The following RNF38 variants were observed in gnomAD, a reference collection of about 807,000 sequenced individuals.
The protein encoded by RNF38 is ring finger protein 38, also known as E3 ubiquitin-protein ligase RNF38.
Under a neutral mutation model 67.2 loss-of-function variants are expected in RNF38, and 15 were observed. The ratio of observed to expected loss-of-function variants is 0.22; its 90% CI spans 0.15 to 0.34. RNF38 has a LOEUF of 0.34. Among genes scored for constraint, RNF38 ranks in the 10% least tolerant of loss-of-function variants. The pLI, the probability that RNF38 is intolerant of heterozygous loss-of-function variation, is 1.00. For synonymous variants in RNF38, 220 were observed against 218.8 expected (o/e 1.01, Z -0.05); for missense variants, 524 against 639.9 (o/e 0.82, Z 1.95).
At position 36,339,169 on chromosome 9, in the gene RNF38, T is replaced by C. The variant is rs1234689780; in HGVS notation, c.*583A>G. 6.5e-6 allele frequency: 1 copy of C among 153,730 alleles called. No homozygotes were observed. The highest frequency in any genetic ancestry group is 1.5e-5 in the Non-Finnish European group (1 of 68,740). The allele number at this position is 153,730 out of a possible 1,614,324, so 9.5% of individuals were successfully genotyped here. On this transcript the variant is annotated 3_prime_UTR_variant, in exon 12 of 12. Coordinates refer to ENST00000259605, the MANE Select transcript of RNF38 (RefSeq NM_022781.5). ...AGGGAAAAAAACCAGTGTACAGTAC[T>C]AGTGCTGTTTAAATAACACACCAGA...
intron 2 of RNF38, among the ~76,000 whole-genome samples, chr9:36,386,260 G>T (rs1456254528): frequency 6.6e-6 from 1 of 152,018 alleles, no homozygotes; most frequent in African/African-American, 2.4e-5. Context: ...CTCCCCTTAT[G>T]ACAATTTTTG....
upstream of RNF38, among the ~76,000 whole-genome samples, chr9:36,405,137 CG>C (rs1838146674): frequency 6.6e-6 from 1 of 152,014 alleles, no homozygotes; most frequent in Non-Finnish European, 1.5e-5. Flanking sequence ...CATGGTGGCA[CG>C]TGGCTGTACT....
chr9:36,485,136 T>G (rs901587919), intron 1 of RNF38, among the ~76,000 whole-genome samples: 6 of 152,174 alleles, frequency 3.9e-5, no homozygotes, highest in African/African-American at 1.2e-4. Flanking sequence ...GCCACTGCAC[T>G]CCAGCCTGGG....
chr9:36,365,611 T>C (rs369880987), intron 4 of RNF38, among the ~76,000 whole-genome samples: 8 of 151,520 alleles, frequency 5.3e-5, no homozygotes, highest in South Asian at 4.2e-4. Context: ...CTCTCAATAA[T>C]GCTTTGGTAT....
chr9:36,453,234 GAC>G (rs1233376250), intron 1 of RNF38, among the ~76,000 whole-genome samples: 3 of 152,036 alleles, frequency 2.0e-5, no homozygotes, highest in Non-Finnish European at 4.4e-5. Context: ...ATTATTTTGA[GAC>G]AGAGTCTTGC....
In RNF38 at chr9:36,337,457, A is replaced by C. The variant is rs1268552032; in HGVS notation, c.*2295T>G. On this transcript the variant is annotated 3_prime_UTR_variant, in exon 12 of 12. Coordinates refer to ENST00000259605, the MANE Select transcript of RNF38 (RefSeq NM_022781.5). ...AGAATTCATAGAGGGAGAGAAGAAA[A>C]AGCTGCTACTCCTAGTCATTAGTAC... is the stretch of plus-strand genomic sequence containing the variant. The C allele has an allele frequency of 6.5e-6, 1 of 152,696 alleles. No individual in the cohort carries two copies. The highest frequency in any genetic ancestry group is 1.5e-5 in the Non-Finnish European group (1 of 68,034). The allele number at this position is 152,696 out of a possible 1,614,324, so 9.5% of individuals were successfully genotyped here. A position where few individuals can be genotyped will look rare whatever the true frequency, so the allele number is the denominator to read the frequency against.
chr9:36,340,107 G>A (rs1832731761), intron 11 of RNF38, among the ~76,000 whole-genome samples: 1 of 152,056 alleles, frequency 6.6e-6, no homozygotes, highest in Admixed American at 6.6e-5. Context: ...AGCCTCCCGA[G>A]CAGCTGAGAT....
chr9:36,353,346 A>T lies in RNF38; in HGVS notation c.910-15T>A. The T allele has an allele frequency of 6.5e-7, 1 of 1,535,124 alleles. No individual in the cohort carries two copies. Among genetic ancestry groups the T allele is most frequent in the Non-Finnish European group, 8.8e-7 (1 of 1,137,778 alleles). On this transcript the variant is annotated splice_polypyrimidine_tract_variant and intron_variant, in intron 6 of 11. Coordinates refer to ENST00000259605, the MANE Select transcript of RNF38 (RefSeq NM_022781.5). The stretch of plus-strand genomic sequence containing the variant: ...CTTTGCAGAGGCTGAGGAGGGGGAA[A>T]AAAAAACACATATATGTATATATAT...
At chr9:36,487,484 T>A in exon 1 of RNF38, 1 of 976,418 alleles carries the variant, frequency 1.0e-6, no homozygotes, top group Middle Eastern at 5.2e-4. Flanking sequence ...AGACGACGAC[T>A]GAGGCTGAAA....
At chr9:36,381,451 A>C (rs1488338086) in intron 2 of RNF38, among the ~76,000 whole-genome samples, 1 of 152,172 alleles carries the variant, frequency 6.6e-6, no homozygotes. Context: ...TTAATGTTAA[A>C]ATAGAAATTA....
chr9:36,399,634 C>G (rs1053502641), intron 1 of RNF38, among the ~76,000 whole-genome samples: 1 of 151,546 alleles, frequency 6.6e-6, no homozygotes, highest in African/African-American at 2.4e-5. Context: ...CAAGTGTGTC[C>G]CAGCTTCCCA....
intron 1 of RNF38, among the ~76,000 whole-genome samples, chr9:36,455,698 G>A (rs975872949): frequency 1.3e-5 from 2 of 151,782 alleles, no homozygotes; most frequent in African/African-American, 4.8e-5. Flanking sequence ...AATCTGGGGG[G>A]CAGAGGTTGC....
chr9:36,446,700 CG>C (rs2134318394), intron 1 of RNF38, among the ~76,000 whole-genome samples: 1 of 147,146 alleles, frequency 6.8e-6, no homozygotes, highest in South Asian at 2.2e-4. Context: ...CCCAGCTACA[CG>C]GGACGCTGAG....
intron 1 of RNF38, among the ~76,000 whole-genome samples, chr9:36,470,797 C>T (rs1839978860): frequency 6.6e-6 from 1 of 152,146 alleles, no homozygotes; most frequent in Non-Finnish European, 1.5e-5. Flanking sequence ...CCCCCATCTC[C>T]ATACAGCATG....
chr9:36,380,794 TAACA>T (rs1836157677), intron 2 of RNF38, among the ~76,000 whole-genome samples: 1 of 152,210 alleles, frequency 6.6e-6, no homozygotes, highest in Non-Finnish European at 1.5e-5. Context: ...TACGCCTGGC[TAACA>T]AACATGCTTT....
In RNF38 at chr9:36,369,748, T is replaced by G; in HGVS notation, c.541A>C (p.Asn181His). ...LHPAAHPPQQNAVMVDIHDQL... is the reference protein window; with the variant it reads ...LHPAAHPPQQHAVMVDIHDQL... ...TCATGTATGTCAACCATGACTGCATTCTGCTGGGGTGGATGAGCAGCAGGA... is the reference window on the plus strand; with the variant it reads ...TCATGTATGTCAACCATGACTGCATGCTGCTGGGGTGGATGAGCAGCAGGA... Residue 181 changes from asparagine to histidine, a missense_variant, in exon 4 of 12, where the codon AAT (asparagine) becomes CAT (histidine). By Grantham distance (68) the Asn-to-His change is moderately conservative. This residue lies in a region of RNF38 where 461 missense variants were observed against 517.4 expected (regional missense o/e 0.89). Transcript: ENST00000259605. 6.2e-7 allele frequency: 1 copy of G among 1,613,788 alleles called. No homozygotes were observed. The highest frequency in any genetic ancestry group is 8.5e-7 in the Non-Finnish European group (1 of 1,179,882).
At chr9:36,390,152 C>G (rs1225539601) in intron 2 of RNF38, among the ~76,000 whole-genome samples, 1 of 152,164 alleles carries the variant, frequency 6.6e-6, no homozygotes, top group Admixed American at 6.5e-5. Flanking sequence ...TCCTACACAA[C>G]TTCATATATT....
At chr9:36,340,104 C>T (rs771975858) in intron 11 of RNF38, among the ~76,000 whole-genome samples, 1 of 152,084 alleles carries the variant, frequency 6.6e-6, no homozygotes, top group Admixed American at 6.5e-5. Context: ...CTCAGCCTCC[C>T]GAGCAGCTGA....
intron 6 of RNF38, 48 bp from the exon 7 acceptor site, chr9:36,353,379 T>A: frequency 7.9e-7 from 1 of 1,265,938 alleles, no homozygotes; most frequent in Non-Finnish European, 1.1e-6. Flanking sequence ...TATATATACT[T>A]CCTGTGTTTA....
Sources: gnomAD v4.1 joint callset for allele counts (sites outside exome capture counted in the v4.1 genomes callset) on GRCh38, gnomAD v4.1.1 for gene constraint, gnomAD v4.1.1 regional missense constraint, MANE v1.5 for transcripts, NCBI Gene and HGNC (gene_info 2026-07-23, HGNC 2026-07-21) for gene names.